The following DGLUCY variants were observed in gnomAD, a reference collection of about 807,000 sequenced individuals.
DGLUCY encodes the protein D-glutamate cyclase, mitochondrial.
DGLUCY carries 58 observed loss-of-function variants against 58.5 expected under a neutral mutation model. The observed-to-expected ratio is 0.99, with a 90% CI of 0.80 to 1.23. The LOEUF is 1.23. DGLUCY is among the 50% of genes most tolerant of loss of function. DGLUCY has a pLI of 0.00. For missense variants in DGLUCY, 779 were observed against 784.7 expected (o/e 0.99, Z 0.09); for synonymous variants, 325 against 314.1 (o/e 1.03, Z -0.37).
intron 9 of DGLUCY, among the ~76,000 whole-genome samples, chr14:91,194,879 C>T (rs1467792340): frequency 6.6e-6 from 1 of 152,154 alleles, no homozygotes; most frequent in East Asian, 1.9e-4. Context: ...ATTCTTGTTC[C>T]TCATGCCAAC....
chr14:91,138,641 G>A (rs1249102098), intron 1 of DGLUCY, among the ~76,000 whole-genome samples: 1 of 152,198 alleles, frequency 6.6e-6, no homozygotes, highest in African/African-American at 2.4e-5. Context: ...TCCACAAGGT[G>A]GCAGGAGAGA....
chr14:91,064,236 A>C (rs2043780901), intron 1 of DGLUCY, among the ~76,000 whole-genome samples: 1 of 152,206 alleles, frequency 6.6e-6, no homozygotes, highest in Non-Finnish European at 1.5e-5. Flanking sequence ...CTATGTGGAT[A>C]TATGAGTCTA....
chr14:91,214,753 G>A (rs951073828), intron 12 of DGLUCY, among the ~76,000 whole-genome samples: 6 of 152,162 alleles, frequency 3.9e-5, no homozygotes, highest in South Asian at 4.1e-4. Context: ...GGGAGACTGA[G>A]GCAGGGGGAT....
At chr14:91,192,424 T>C (rs2049955196) in intron 9 of DGLUCY, among the ~76,000 whole-genome samples, 2 of 152,050 alleles carry the variant, frequency 1.3e-5, no homozygotes, top group Admixed American at 1.3e-4. Flanking sequence ...ATGGGGGTGA[T>C]GGTTGCACAA....
At chr14:91,169,503 A>G (rs2048454139) in intron 4 of DGLUCY, among the ~76,000 whole-genome samples, 1 of 151,406 alleles carries the variant, frequency 6.6e-6, no homozygotes, top group African/African-American at 2.4e-5. Flanking sequence ...TCCACCTCCC[A>G]GGTTCAAGCG....
chr14:91,140,860 G>A (rs2046625065), intron 1 of DGLUCY, among the ~76,000 whole-genome samples: 1 of 152,184 alleles, frequency 6.6e-6, no homozygotes, highest in Admixed American at 6.5e-5. Flanking sequence ...GCAATGGTTA[G>A]ACTCAGGCTC....
chr14:91,090,696 G>T (rs996284442), intron 1 of DGLUCY, among the ~76,000 whole-genome samples: 2 of 152,336 alleles, frequency 1.3e-5, no homozygotes, highest in Admixed American at 6.5e-5. Flanking sequence ...TTTGGTCACA[G>T]ATAGGTTCTC....
At chr14:91,184,341 G>C (rs59718058) in intron 8 of DGLUCY, among the ~76,000 whole-genome samples, 10,084 of 151,440 alleles carry the variant, frequency 0.067, 941 homozygotes, top group African/African-American at 0.21. Flanking sequence ...GTCAGGAGTT[G>C]AAGACCAGCC....
intron 1 of DGLUCY, among the ~76,000 whole-genome samples, chr14:91,132,160 C>G (rs1308426702): frequency 6.6e-6 from 1 of 152,176 alleles, no homozygotes; most frequent in Non-Finnish European, 1.5e-5. Context: ...CCAGACATGG[C>G]TATGGGTTTT....
chr14:91,136,238 A>T (rs959079069), intron 1 of DGLUCY, among the ~76,000 whole-genome samples: 1 of 152,028 alleles, frequency 6.6e-6, no homozygotes, highest in African/African-American at 2.4e-5. Context: ...CGGCCACATT[A>T]GCATTTTTTA....
intron 1 of DGLUCY, among the ~76,000 whole-genome samples, chr14:91,096,683 C>G (rs1479282982): frequency 2.0e-5 from 3 of 152,058 alleles, no homozygotes; most frequent in African/African-American, 7.3e-5. Flanking sequence ...CTTCCCCTGC[C>G]CACCCCCCTG....
intron 13 of DGLUCY, among the ~76,000 whole-genome samples, chr14:91,221,982 C>T (rs1019065187): frequency 6.6e-6 from 1 of 152,166 alleles, no homozygotes; most frequent in Non-Finnish European, 1.5e-5. Context: ...TCAGCCTCTA[C>T]ACACTCAGCA....
intron 7 of DGLUCY, among the ~76,000 whole-genome samples, chr14:91,177,746 G>C (rs1422674893): frequency 6.6e-6 from 1 of 152,262 alleles, no homozygotes; most frequent in Non-Finnish European, 1.5e-5. Context: ...TCATGCGAGG[G>C]AAAGATCATC....
intron 1 of DGLUCY, 38 bp downstream of exon 1, chr14:91,114,321 C>T (rs2044776497): frequency 6.6e-6 from 1 of 152,326 alleles, no homozygotes; most frequent in Non-Finnish European, 1.5e-5. Context: ...ACAGTCCCTC[C>T]CTCCGCCCCA....
At chr14:91,148,268 C>T (rs1291817951) in intron 1 of DGLUCY, among the ~76,000 whole-genome samples, 1 of 151,582 alleles carries the variant, frequency 6.6e-6, no homozygotes, top group African/African-American at 2.4e-5. Context: ...GCAGTGGCTC[C>T]ATCTCGGCTC....
At chr14:91,137,135 GTT>G (rs776031714) in intron 1 of DGLUCY, among the ~76,000 whole-genome samples, 8 of 142,824 alleles carry the variant, frequency 5.6e-5, no homozygotes, top group Non-Finnish European at 7.7e-5. Flanking sequence ...GTCTGTTCAG[GTT>G]TTTTTTTTTT....
At chr14:91,213,550 C>G (rs1368739318) in intron 12 of DGLUCY, among the ~76,000 whole-genome samples, 1 of 152,166 alleles carries the variant, frequency 6.6e-6, no homozygotes. Flanking sequence ...AGATACATCT[C>G]AATTTCAGAG....
At chr14:91,213,135 T>A (rs945314526) in intron 12 of DGLUCY, among the ~76,000 whole-genome samples, 1 of 151,510 alleles carries the variant, frequency 6.6e-6, no homozygotes, top group African/African-American at 2.4e-5. Context: ...GACCCTGTCT[T>A]TATTAAAAAA....
At chr14:91,062,546 T>TTA (rs2043722243) in intron 1 of DGLUCY, among the ~76,000 whole-genome samples, 1 of 18,154 alleles carries the variant, frequency 5.5e-5, no homozygotes, top group African/African-American at 2.0e-4. Context: ...AGACTCTGTC[T>TTA]AAAAAAAAAA....
Sources: allele counts gnomAD v4.1 joint callset (sites outside exome capture counted in the v4.1 genomes callset), GRCh38; gene constraint gnomAD v4.1.1; transcripts MANE v1.5; gene names NCBI Gene and HGNC (gene_info 2026-07-23, HGNC 2026-07-21).